The following ZNF316 variants were observed in gnomAD, a reference collection of about 807,000 sequenced individuals.
ZNF316 encodes zinc finger protein 316.
ZNF316 carries 23 observed loss-of-function variants against 75.6 expected under a neutral mutation model. The ratio of observed to expected loss-of-function variants is 0.30; its 90% CI spans 0.22 to 0.43. ZNF316 has a LOEUF of 0.43. Among genes scored for constraint, ZNF316 ranks in the 20% least tolerant of loss-of-function variants. The pLI is 1.00. For missense variants in ZNF316, 1,266 were observed against 1,409.4 expected (o/e 0.90, Z 1.63); for synonymous variants, 827 against 666.2 (o/e 1.24, Z -3.72).
intron 8 of ZNF316, among the ~76,000 whole-genome samples, chr7:6,651,828 C>A (rs1032708689): frequency 1.3e-5 from 2 of 152,246 alleles, no homozygotes; most frequent in African/African-American, 4.8e-5. Flanking sequence ...CCGCCGGCTG[C>A]GCTGTCTTCC....
chr7:6,648,504 T>C (rs1215013924), intron 8 of ZNF316, among the ~76,000 whole-genome samples: 2 of 152,046 alleles, frequency 1.3e-5, no homozygotes, highest in Non-Finnish European at 2.9e-5. Flanking sequence ...CGGGGAGCAG[T>C]GGAGGTGCTT....
At position 6,639,743 on chromosome 7, in the gene ZNF316, G is replaced by C. The variant is rs1422149526; in HGVS notation, c.-167+602G>C. ...TGAATCTGCGGCCTGAGGCTTGAAA[G>C]AGAAAAGCCCTCCTCTGGGCCTCAA... On this transcript the variant is annotated intron_variant, in intron 3 of 8. Coordinates refer to ENST00000382252, the MANE Select transcript of ZNF316 (RefSeq NM_001278559.2). The surrounding 1 kb of genome is among the most constrained non-coding windows in gnomAD (Gnocchi z 4.2). Among the ~76,000 whole-genome samples, 1 of 152,212 alleles carries C rather than the reference G, an allele frequency of 6.6e-6. No individual in the cohort carries two copies. The highest frequency in any genetic ancestry group is 1.5e-5 in the Non-Finnish European group (1 of 68,036).
intron 7 of ZNF316, among the ~76,000 whole-genome samples, chr7:6,644,155 GAC>G (rs1779358045): frequency 6.6e-6 from 1 of 152,214 alleles, no homozygotes; most frequent in Admixed American, 6.5e-5. Flanking sequence ...TGAGCCAGGT[GAC>G]ACATCTGTGG....
In ZNF316 at chr7:6,640,568, C is replaced by G. The variant is rs1779295073; in HGVS notation, c.-166-1257C>G. On this transcript the variant is annotated intron_variant, in intron 3 of 8. Transcript: ENST00000382252. The surrounding 1 kb of genome is among the most constrained non-coding windows in gnomAD (Gnocchi z 5.1). Reference sequence around the variant, plus strand: ...CCCCCATGATCCAGTCACCTCCCACCAGGCCCCGCCTCCAGCATTGGGGAT... The same window carrying G: ...CCCCCATGATCCAGTCACCTCCCACGAGGCCCCGCCTCCAGCATTGGGGAT... 6.6e-6 allele frequency among the ~76,000 whole-genome samples: 1 copy of G among 152,220 alleles called. No homozygotes were observed. Among genetic ancestry groups the G allele is most frequent in the Non-Finnish European group, 1.5e-5 (1 of 68,036 alleles).
In ZNF316 at chr7:6,646,130, A is replaced by G. The variant is rs145162643; in HGVS notation, c.706+1537A>G. Among the ~76,000 whole-genome samples the G allele has an allele frequency of 2.9e-3, 444 of 152,192 alleles. 2 individuals carry two copies. Among genetic ancestry groups the G allele is most frequent in the African/African-American group, 0.01 (418 of 41,534 alleles). Reference sequence around the variant, plus strand: ...CTTGACACGACACGTGCGGATTACAATTGGAGATAAGGTTTGGGTGGGGAC... The same window carrying G: ...CTTGACACGACACGTGCGGATTACAGTTGGAGATAAGGTTTGGGTGGGGAC... On this transcript the variant is annotated intron_variant, in intron 8 of 8. Transcript: ENST00000382252.
intron 8 of ZNF316, among the ~76,000 whole-genome samples, chr7:6,650,613 G>C (rs578114333): frequency 3.1e-4 from 47 of 152,270 alleles, no homozygotes; most frequent in African/African-American, 1.1e-3. Flanking sequence ...GAGGCCTACT[G>C]GGACCTCCTG....
rs1274726364 is a variant in ZNF316 at position 6,656,949 on chromosome 7, C to G, written c.*2338C>G. Among the ~76,000 whole-genome samples, 1 of 152,100 alleles carries G rather than the reference C, an allele frequency of 6.6e-6. No individual in the cohort carries two copies. The highest frequency in any genetic ancestry group is 1.5e-5 in the Non-Finnish European group (1 of 67,982). Reference sequence around the variant, plus strand: ...ATCAGATCTGACTCTCCTGTCCTTTCTTTGTGGGTCTGAAAAATAAGAACT... The same window carrying G: ...ATCAGATCTGACTCTCCTGTCCTTTGTTTGTGGGTCTGAAAAATAAGAACT... On this transcript the variant is annotated 3_prime_UTR_variant, in exon 9 of 9. Transcript: ENST00000382252.
intron 8 of ZNF316, among the ~76,000 whole-genome samples, chr7:6,646,046 G>T (rs1257162482): frequency 1.3e-5 from 2 of 149,580 alleles, no homozygotes; most frequent in East Asian, 3.9e-4. Flanking sequence ...TCACTATCAT[G>T]AGAACAGCAT....
At position 6,641,966 on chromosome 7, in the gene ZNF316, A is replaced by C; in HGVS notation, c.-29+4A>C. ...GTTCATGTGTGTTGAGGACCAGGTA[A>C]GCGTCTCTTTGTCCTGTGTATCAGG... On this transcript the variant is annotated splice_donor_region_variant and intron_variant, in intron 4 of 8. Coordinates refer to ENST00000382252, the MANE Select transcript of ZNF316 (RefSeq NM_001278559.2). 1 of 155,114 alleles carries C rather than the reference A, an allele frequency of 6.4e-6. No homozygotes were observed. Among genetic ancestry groups the C allele is most frequent in the Non-Finnish European group, 1.4e-5 (1 of 70,086 alleles). 9.6% of individuals were successfully genotyped at this position (155,114 alleles called of 1,614,324 possible).
At position 6,654,595 on chromosome 7, in the gene ZNF316, G is replaced by A. The variant is rs1268744517; in HGVS notation, c.2999G>A (p.Arg1000Gln). Reference protein sequence around the residue: ...AAFAGPSGAYREGVL With the variant: ...AAFAGPSGAYQEGVL ...TTCGCCGGGCCCTCGGGCGCCTACC[G>A]GGAGGGCGTCCTGTGAGGGGCCCGG... Residue 1000 changes from arginine (R) to glutamine (Q), a missense_variant, in exon 9 of 9, where the codon CGG becomes CAG. Around this residue, in one of 3 missense-constraint regions of ZNF316, gnomAD observed 111 missense variants for 99.2 expected, o/e 1.12. Transcript: ENST00000382252. 2.4e-5 allele frequency: 28 copies of A among 1,185,778 alleles called. No homozygotes were observed. Among genetic ancestry groups the A allele is most frequent in the Non-Finnish European group, 2.9e-5 (28 of 958,420 alleles). The allele number at this position is 1,185,778 out of a possible 1,614,324, so 73.5% of individuals were successfully genotyped here.
chr7:6,651,018 G>T (rs963031440), intron 8 of ZNF316, among the ~76,000 whole-genome samples: 1 of 152,160 alleles, frequency 6.6e-6, no homozygotes, highest in African/African-American at 2.4e-5. Flanking sequence ...GGTGCAGCTT[G>T]GTGTGAGAGG....
At position 6,642,481 on chromosome 7, in the gene ZNF316, C is replaced by T. The variant is rs1200270760; in HGVS notation, c.72C>T (p.Cys24=). The change falls in exon 5 of 9, where the codon TGC becomes TGT. Residue 24 remains cysteine, a synonymous_variant. Transcript: ENST00000382252. This position sits in a 1 kb window ranked among gnomAD's most constrained non-coding sequence, Gnocchi z 8.1. Reference sequence around the variant, plus strand: ...AGCGGGCAGAGGACGGGTCAGAGTGCGACCCTGACCAGGAAGAAGAGGAGG... The same window carrying T: ...AGCGGGCAGAGGACGGGTCAGAGTGTGACCCTGACCAGGAAGAAGAGGAGG... The part of the protein sequence containing the change: ...QLERAEDGSE[C]DPDQEEEEEE... 8 of 1,232,674 alleles carry T rather than the reference C, an allele frequency of 6.5e-6. No individual in the cohort carries two copies. The highest frequency in any genetic ancestry group is 8.4e-5 in the Admixed American group (2 of 23,674). The allele number at this position is 1,232,674 out of a possible 1,614,324, so 76.4% of individuals were successfully genotyped here.
Position 6,644,491 on chromosome 7 carries a change from C to A in ZNF316, c.604C>A (p.Pro202Thr). The A allele has an allele frequency of 8.1e-7, 1 of 1,232,250 alleles. No homozygotes were observed. 76.3% of individuals were successfully genotyped at this position (1,232,250 alleles called of 1,614,324 possible). The change falls in exon 8 of 9, where the codon CCC (proline) becomes ACC (threonine). Residue 202 changes from proline to threonine, a missense_variant. By Grantham distance (38) the Pro-to-Thr change is conservative (BLOSUM62 -1). Transcript: ENST00000382252. ...GILVSLGYPI[P>T]KPDLIFRLEQ... is the part of the protein sequence containing the mutation. The stretch of plus-strand genomic sequence containing the variant: ...TGTTCTCCTGGCAGGATACCCAATT[C>A]CCAAGCCCGATCTGATCTTCCGGCT...
In ZNF316 at chr7:6,657,096, C is replaced by T. The variant is rs977508757; in HGVS notation, c.*2485C>T. On this transcript the variant is annotated 3_prime_UTR_variant, in exon 9 of 9. Transcript: ENST00000382252. ...GCAACCTCTGCCTCCCAGGTTCAAG[C>T]GATTCTCCTGCCTCAGACTGCCGAG... Among the ~76,000 whole-genome samples, 3 of 151,988 alleles carry T rather than the reference C, an allele frequency of 2.0e-5. No individual in the cohort carries two copies. The highest frequency in any genetic ancestry group is 7.3e-5 in the African/African-American group (3 of 41,356).
In ZNF316 at chr7:6,655,881, C is replaced by G. The variant is rs1168564810; in HGVS notation, c.*1270C>G. ...GGGCATCCTACCCTCTGGACTGGGC[C>G]CATGGAAGCCACTGGGCGGGCAGCT... On this transcript the variant is annotated 3_prime_UTR_variant, in exon 9 of 9. Transcript: ENST00000382252. 6.6e-6 allele frequency: 1 copy of G among 152,306 alleles called. No individual in the cohort carries two copies. Among genetic ancestry groups the G allele is most frequent in the African/African-American group, 2.4e-5 (1 of 41,468 alleles). The allele number at this position is 152,306 out of a possible 1,614,324, so 9.4% of individuals were successfully genotyped here.
rs1381189872 is a variant in ZNF316 at position 6,640,043 on chromosome 7, C to A, written c.-167+902C>A. On this transcript the variant is annotated intron_variant, in intron 3 of 8. Transcript: ENST00000382252. The surrounding 1 kb of genome is among the most constrained non-coding windows in gnomAD (Gnocchi z 5.1). ...AAGGGGGCTGGAGCCAGTCAGGGGGCACGTGTGACCTTCGGGACAGAGGTG... is the reference window on the plus strand; with the variant it reads ...AAGGGGGCTGGAGCCAGTCAGGGGGAACGTGTGACCTTCGGGACAGAGGTG... Among the ~76,000 whole-genome samples the A allele has an allele frequency of 1.3e-5, 2 of 152,128 alleles. No individual in the cohort carries two copies. Among genetic ancestry groups the A allele is most frequent in the East Asian group, 3.9e-4 (2 of 5,188 alleles).
rs76923332 is a variant in ZNF316, at chr7:6,657,514, G to A, written c.*2903G>A. Among the ~76,000 whole-genome samples, 3,435 of 152,010 alleles carry A rather than the reference G, an allele frequency of 0.023. 61 individuals carry two copies. Among genetic ancestry groups the A allele is most frequent in the Middle Eastern group, 0.051 (15 of 292 alleles). On this transcript the variant is annotated 3_prime_UTR_variant, in exon 9 of 9. Transcript: ENST00000382252. ...ACCTAGTTAAAAAATGGAGCCCCTT[G>A]AGGATCTTACAGTCTATTCAGAAAA...
rs1779284424 is a variant in ZNF316, at chr7:6,640,024, G to T, written c.-167+883G>T. On this transcript the variant is annotated intron_variant, in intron 3 of 8. Coordinates refer to ENST00000382252, the MANE Select transcript of ZNF316 (RefSeq NM_001278559.2). The surrounding 1 kb of genome is among the most constrained non-coding windows in gnomAD (Gnocchi z 5.1). ...TAGTGATTCTGAAACTAGAAAGGGG[G>T]CTGGAGCCAGTCAGGGGGCACGTGT... 6.6e-6 allele frequency among the ~76,000 whole-genome samples: 1 copy of T among 152,184 alleles called. No homozygotes were observed. Among genetic ancestry groups the T allele is most frequent in the Non-Finnish European group, 1.5e-5 (1 of 68,050 alleles).
chr7:6,653,867 C>T lies in ZNF316; in HGVS notation c.2271C>T (p.Ala757=). The change falls in exon 9 of 9, where the codon GCC becomes GCT. Residue 757 remains alanine, a synonymous_variant. Transcript: ENST00000382252. The part of the protein sequence containing the change: ...FPCPECGARF[A]RGSHLAAHVR... ...GCCCCGAGTGCGGCGCGCGGTTCGC[C>T]CGCGGCTCGCACTTGGCGGCGCACG... is the stretch of plus-strand genomic sequence containing the variant. 4 of 1,084,520 alleles carry T rather than the reference C, an allele frequency of 3.7e-6. No individual in the cohort carries two copies. The highest frequency in any genetic ancestry group is 3.4e-6 in the Non-Finnish European group (3 of 893,616). 67.2% of individuals were successfully genotyped at this position (1,084,520 alleles called of 1,614,324 possible).
Sources: gnomAD v4.1 joint callset for allele counts (sites outside exome capture counted in the v4.1 genomes callset) on GRCh38, gnomAD v4.1.1 for gene constraint, gnomAD v4.1.1 regional missense constraint, Gnocchi (gnomAD v3.1) non-coding constraint, MANE v1.5 for transcripts, NCBI Gene and HGNC (gene_info 2026-07-23, HGNC 2026-07-21) for gene names.